Variants in KIFAP3 observed in about 807,000 individuals in gnomAD.
KIFAP3 encodes the protein kinesin associated protein 3.
A neutral mutation model predicts 106.5 loss-of-function variants in KIFAP3; 68 were observed. The ratio of observed to expected loss-of-function variants is 0.64; its 90% confidence interval spans 0.53 to 0.78. The LOEUF (loss-of-function observed/expected upper bound fraction) is 0.78. Ranked by LOEUF, KIFAP3 falls within the 30% of genes least tolerant of loss-of-function variation. The pLI is 0.00. For synonymous variants in KIFAP3, 320 were observed against 311.5 expected, an observed-to-expected ratio of 1.03 and a Z score of -0.29; for missense variants, 780 against 941.8, an observed-to-expected ratio of 0.83 and a Z score of 2.25.
upstream of KIFAP3, among the ~76,000 whole-genome samples, chr1:170,077,313 A>G (rs979168417): frequency 3.3e-5 from 5 of 152,234 alleles, no homozygotes; most frequent in African/African-American, 1.2e-4. Flanking sequence ...CTAGTTCTAT[A>G]CTTCATAAAA....
At chr1:170,041,008 A>G (rs1053190961) in intron 3 of KIFAP3, among the ~76,000 whole-genome samples, 1 of 152,032 alleles carries the variant, frequency 6.6e-6, no homozygotes, top group Non-Finnish European at 1.5e-5. Context: ...TATTTTTACT[A>G]GAGATGGGGT....
intron 1 of KIFAP3, among the ~76,000 whole-genome samples, chr1:170,083,974 G>A (rs758974238): frequency 1.3e-5 from 2 of 152,090 alleles, no homozygotes; most frequent in Admixed American, 6.5e-5. Flanking sequence ...TAGCCACAGC[G>A]GGGTGTTTAA....
At chr1:170,040,832 CTT>C (rs776420489) in intron 3 of KIFAP3, among the ~76,000 whole-genome samples, 12 of 142,774 alleles carry the variant, frequency 8.4e-5, no homozygotes, top group African/African-American at 1.0e-4. Context: ...TCTATTTTTG[CTT>C]TTTTTTTTTT....
intron 9 of KIFAP3, among the ~76,000 whole-genome samples, chr1:170,022,770 C>T (rs1267757922): frequency 6.6e-6 from 1 of 152,084 alleles, no homozygotes; most frequent in Non-Finnish European, 1.5e-5. Context: ...CTCAGTTTTT[C>T]CTCAATAAAA....
Position 170,039,246 on chromosome 1 carries a change from A to G in KIFAP3, c.362T>C (p.Phe121Ser), listed in dbSNP as rs1669847271. Reference sequence around the variant, plus strand: ...ATGCAGTCTTACCTCCATTCCTTCAAAAGGAGGTGGATCTTTAGGCTTGCT... The same window carrying G: ...ATGCAGTCTTACCTCCATTCCTTCAGAAGGAGGTGGATCTTTAGGCTTGCT... Reference protein sequence around the residue: ...KSSKPKDPPPFEGMEIDEVAN... With the variant: ...KSSKPKDPPPSEGMEIDEVAN... Residue 121 changes from phenylalanine to serine, a missense_variant, in exon 4 of 20, where the codon TTT (phenylalanine) becomes TCT (serine). Transcript: ENST00000361580. 1.9e-6 allele frequency: 3 copies of G among 1,600,714 alleles called. No individual in the cohort carries two copies. Among genetic ancestry groups the G allele is most frequent in the Non-Finnish European group, 2.6e-6 (3 of 1,171,834 alleles).
chr1:170,030,776 G>A (rs967110189), intron 8 of KIFAP3, among the ~76,000 whole-genome samples: 2 of 151,756 alleles, frequency 1.3e-5, no homozygotes, highest in Non-Finnish European at 3.0e-5. Flanking sequence ...GTGATGACTT[G>A]GGAATGAGGA....
At chr1:170,025,661 C>A (rs550118845) in intron 8 of KIFAP3, among the ~76,000 whole-genome samples, 1 of 152,144 alleles carries the variant, frequency 6.6e-6, no homozygotes, top group Non-Finnish European at 1.5e-5. Context: ...AGATTGGAAA[C>A]CCCTGATTCA....
intron 19 of KIFAP3, among the ~76,000 whole-genome samples, chr1:169,937,610 A>G (rs1294213292): frequency 2.6e-5 from 4 of 151,808 alleles, no homozygotes; most frequent in African/African-American, 9.7e-5. Context: ...AAATATTCTG[A>G]TTATCCTCTA....
chr1:170,024,474 A>C lies in KIFAP3; in HGVS notation c.964T>G (p.Leu322Val). 6.2e-7 allele frequency: 1 copy of C among 1,603,668 alleles called. No individual in the cohort carries two copies. Residue 322 changes from leucine to valine, a missense_variant, in exon 9 of 20, where the codon TTA becomes GTA. By Grantham distance (32) the Leu-to-Val change is conservative. Transcript: ENST00000361580. ...AGTTTCTTCAAGAATGACACAACTAAAATTAGCAGCTCAAAATTGTCCCGA... is the reference window on the plus strand; with the variant it reads ...AGTTTCTTCAAGAATGACACAACTACAATTAGCAGCTCAAAATTGTCCCGA... ...LDRDNFELLI[L>V]VVSFLKKLSI...
rs764442820 is a variant in KIFAP3, at chr1:170,046,865, T to C, written c.166A>G (p.Ile56Val). The C allele has an allele frequency of 6.3e-7, 1 of 1,593,286 alleles. No individual in the cohort carries two copies. The highest frequency in any genetic ancestry group is 1.2e-5 in the South Asian group (1 of 86,836). ...TTGGCATTGAGACTCTTAAGTCGAA[T>C]GCTGTAAGTATAACAGAATTTTTCA... ...LGERKECQKI[I>V]RLKSLNANTD... is the part of the protein sequence containing the mutation. The change falls in exon 3 of 20, where the codon ATT becomes GTT. Residue 56 changes from isoleucine (I) to valine (V), a missense_variant and splice_region_variant. Ile to Val is a conservative substitution (Grantham distance 29, BLOSUM62 3). This residue lies in a region of KIFAP3 where 588 missense variants were observed against 678.9 expected (regional missense o/e 0.87). Coordinates refer to ENST00000361580, the MANE Select transcript of KIFAP3 (RefSeq NM_014970.4).
chr1:169,999,915 T>G lies in KIFAP3; in HGVS notation c.1184-7660A>C, dbSNP rs183675265. 2.4e-3 allele frequency among the ~76,000 whole-genome samples: 369 copies of G among 152,188 alleles called. 2 individuals carry two copies. Among genetic ancestry groups the G allele is most frequent in the African/African-American group, 8.4e-3 (350 of 41,532 alleles). On this transcript the variant is annotated intron_variant, in intron 10 of 19. Coordinates refer to ENST00000361580, the MANE Select transcript of KIFAP3 (RefSeq NM_014970.4). ...CATCTTTTTTTCTTTTTAAAGAAAT[T>G]TACAGCTGTAGTTCAGCTGGAGCAG...
chr1:170,031,366 C>A (rs1048512145), intron 8 of KIFAP3, among the ~76,000 whole-genome samples: 1 of 151,532 alleles, frequency 6.6e-6, no homozygotes, highest in Non-Finnish European at 1.5e-5. Context: ...AGTATAAATC[C>A]GGACTTAAAT....
chr1:169,974,860 T>C (rs1666143137), intron 16 of KIFAP3, among the ~76,000 whole-genome samples: 1 of 151,906 alleles, frequency 6.6e-6, no homozygotes, highest in Non-Finnish European at 1.5e-5. Flanking sequence ...TAGACAAATG[T>C]GGATTATAAT....
intron 1 of KIFAP3, among the ~76,000 whole-genome samples, chr1:170,074,021 C>A (rs1478282534): frequency 6.6e-6 from 1 of 151,920 alleles, no homozygotes; most frequent in African/African-American, 2.4e-5. Context: ...AAGCCCATGG[C>A]AATGAACCCC....
At chr1:170,041,905 G>T in intron 3 of KIFAP3, 10 of 1,338,288 alleles carry the variant, frequency 7.5e-6, no homozygotes, top group Non-Finnish European at 9.7e-6. Context: ...GGCAACATTT[G>T]GGGGAAGTAC....
At chr1:170,025,801 T>C (rs566705020) in intron 8 of KIFAP3, among the ~76,000 whole-genome samples, 27 of 152,354 alleles carry the variant, frequency 1.8e-4, no homozygotes, top group Admixed American at 1.0e-3. Context: ...TGCAAGGCAC[T>C]GTCAAAAGGT....
upstream of KIFAP3, among the ~76,000 whole-genome samples, chr1:170,078,783 G>A (rs1020718485): frequency 2.6e-5 from 4 of 152,090 alleles, no homozygotes; most frequent in African/African-American, 7.2e-5. Flanking sequence ...TAAAATGAAA[G>A]CATATCTACC....
At chr1:169,971,500 G>GT (rs1558207769) in intron 17 of KIFAP3, among the ~76,000 whole-genome samples, 2 of 151,840 alleles carry the variant, frequency 1.3e-5, no homozygotes, top group South Asian at 4.2e-4. Context: ...AAATGTCAAC[G>GT]TATCCATTTA....
At chr1:170,026,060 G>A (rs1244459142) in intron 8 of KIFAP3, among the ~76,000 whole-genome samples, 3 of 152,168 alleles carry the variant, frequency 2.0e-5, no homozygotes, top group Non-Finnish European at 4.4e-5. Flanking sequence ...AGAGTGGGAA[G>A]AAGGCCATAT....
Sources: allele counts gnomAD v4.1 joint callset (sites outside exome capture counted in the v4.1 genomes callset), GRCh38; gene constraint gnomAD v4.1.1; regional missense constraint gnomAD v4.1.1; transcripts MANE v1.5; gene names NCBI Gene and HGNC (gene_info 2026-07-23, HGNC 2026-07-21).